Variants in USP7 observed in about 807,000 individuals in gnomAD.
USP7 encodes ubiquitin specific peptidase 7.
In USP7, 9 loss-of-function variants were observed where a neutral mutation model predicts 162.9. The observed-to-expected ratio is 0.06, with a 90% CI of 0.03 to 0.10. The LOEUF (loss-of-function observed/expected upper bound fraction) is 0.10. Ranked by LOEUF, USP7 falls within the 10% of genes least tolerant of loss-of-function variation. USP7 has a pLI of 1.00. For missense variants in USP7, 715 were observed against 1,373.7 expected, an observed-to-expected ratio of 0.52 and a Z score of 7.58; for synonymous variants, 562 against 475.9, an observed-to-expected ratio of 1.18 and a Z score of -2.35.
chr16:8,938,829 T>G (rs1898898220), intron 1 of USP7, among the ~76,000 whole-genome samples: 1 of 152,188 alleles, frequency 6.6e-6, no homozygotes, highest in African/African-American at 2.4e-5. Flanking sequence ...TACACTGTAT[T>G]AGATATTATA....
chr16:8,950,305 T>C (rs12929193), intron 1 of USP7, among the ~76,000 whole-genome samples: 96,653 of 151,864 alleles, frequency 0.64, 33,410 homozygotes, highest in East Asian at 0.88. Context: ...CATTTTCTGC[T>C]CTAAAAAAAA....
chr16:8,899,805 G>C (rs757038154), intron 21 of USP7, 48 bp from the exon 22 acceptor site: 208 of 1,606,960 alleles, frequency 1.3e-4, no homozygotes, highest in South Asian at 1.1e-3. Context: ...CCATGGCAGG[G>C]GGTAGCTGGT....
intron 1 of USP7, among the ~76,000 whole-genome samples, chr16:8,942,981 C>A (rs972424460): frequency 6.6e-6 from 1 of 152,150 alleles, no homozygotes; most frequent in Admixed American, 6.5e-5. Context: ...TCAGGCACTG[C>A]GGGCCCTGAG....
chr16:8,958,905 C>T (rs749981537), intron 1 of USP7, among the ~76,000 whole-genome samples: 4 of 152,210 alleles, frequency 2.6e-5, no homozygotes, highest in African/African-American at 4.8e-5. Flanking sequence ...AGGCAGAGGC[C>T]GGATGGCTTC....
intron 1 of USP7, among the ~76,000 whole-genome samples, chr16:8,934,627 G>A (rs758865895): frequency 4.6e-5 from 7 of 152,232 alleles, no homozygotes; most frequent in African/African-American, 7.2e-5. Flanking sequence ...AGAGGTCTGC[G>A]GTTGCAGCAG....
At position 8,900,565 on chromosome 16, in the gene USP7, A is replaced by G. The variant is rs758229570; in HGVS notation, c.2274T>C (p.Asp758=). The change falls in exon 21 of 31, where the codon GAT becomes GAC. Residue 758 remains aspartate, a synonymous_variant. Coordinates refer to ENST00000344836, the MANE Select transcript of USP7 (RefSeq NM_003470.3). ...CTATGATGTCACCATCCATTAGTTC[A>G]TCAAGGGCTTTATCAAGAGACACGT... ...DYDVSLDKAL[D]ELMDGDIIVF... The G allele has an allele frequency of 6.2e-7, 1 of 1,612,270 alleles. No homozygotes were observed. The highest frequency in any genetic ancestry group is 2.2e-5 in the East Asian group (1 of 44,814).
At chr16:8,908,215 G>T (rs2061890690) in intron 12 of USP7, 126 bp downstream of exon 12, 2 of 794,064 alleles carry the variant, frequency 2.5e-6, no homozygotes, top group African/African-American at 1.7e-5. Context: ...GGACACAGAG[G>T]TAGAAGGAAA....
At chr16:8,956,845 C>A (rs553563702) in intron 1 of USP7, among the ~76,000 whole-genome samples, 76 of 152,166 alleles carry the variant, frequency 5.0e-4, no homozygotes, top group African/African-American at 1.7e-3. Flanking sequence ...CCAGCCCCCC[C>A]GCAGGCAGTG....
At chr16:8,931,717 G>T (rs951431252) in intron 1 of USP7, among the ~76,000 whole-genome samples, 1 of 152,144 alleles carries the variant, frequency 6.6e-6, no homozygotes, top group Non-Finnish European at 1.5e-5. Context: ...TAATTTTAAA[G>T]CATAAATTTC....
intron 16 of USP7, among the ~76,000 whole-genome samples, chr16:8,902,882 A>C (rs1288682940): frequency 1.3e-5 from 2 of 152,206 alleles, no homozygotes; most frequent in Non-Finnish European, 2.9e-5. Context: ...GTCTCAAAAA[A>C]AAAGAAAAAA....
chr16:8,939,181 CACT>C (rs1404937876), intron 1 of USP7, among the ~76,000 whole-genome samples: 1 of 151,994 alleles, frequency 6.6e-6, no homozygotes, highest in African/African-American at 2.4e-5. Context: ...TTTGTGTGTC[CACT>C]ACCACCACAG....
chr16:8,895,883 C>A (rs1490778072), intron 26 of USP7, 142 bp from the exon 27 acceptor site: 5 of 580,364 alleles, frequency 8.6e-6, no homozygotes, highest in Non-Finnish European at 1.4e-5. Context: ...GTCGCCCAGG[C>A]TGGAGTGCAA....
chr16:8,895,957 C>T (rs2061675038), intron 26 of USP7, among the ~76,000 whole-genome samples: 1 of 151,852 alleles, frequency 6.6e-6, no homozygotes, highest in Non-Finnish European at 1.5e-5. Context: ...CCACCTCAGC[C>T]TCCCGAGTAG....
intron 2 of USP7, among the ~76,000 whole-genome samples, chr16:8,925,011 G>A (rs111398653): frequency 5.3e-5 from 8 of 152,170 alleles, no homozygotes; most frequent in Admixed American, 2.0e-4. Context: ...CAAGAAACTT[G>A]TTTAAGATAA....
chr16:8,937,442 T>G (rs1473299207), intron 1 of USP7, among the ~76,000 whole-genome samples: 2 of 152,200 alleles, frequency 1.3e-5, no homozygotes, highest in African/African-American at 4.8e-5. Context: ...CTCAGGAGGC[T>G]GAGGCAGGAG....
intron 1 of USP7, among the ~76,000 whole-genome samples, chr16:8,958,698 C>T (rs1899898128): frequency 6.6e-6 from 1 of 152,230 alleles, no homozygotes; most frequent in South Asian, 2.1e-4. Context: ...CACTTCCCCA[C>T]ACTCATCGCA....
intron 3 of USP7, among the ~76,000 whole-genome samples, chr16:8,922,453 A>G (rs1463462931): frequency 2.6e-5 from 4 of 152,144 alleles, no homozygotes; most frequent in African/African-American, 9.7e-5. Flanking sequence ...AGGCCACTGC[A>G]CTCCAGCCTG....
chr16:8,892,520 G>T lies in USP7; in HGVS notation c.*1478C>A, dbSNP rs1239291398. On this transcript the variant is annotated 3_prime_UTR_variant, in exon 31 of 31. Transcript: ENST00000344836. ...CCCGAAGGGCCTCGTGACACATCAG[G>T]TCACATCTCCAGTCACCTTATTTGT... 6.6e-6 allele frequency: 1 copy of T among 150,822 alleles called. No individual in the cohort carries two copies. The highest frequency in any genetic ancestry group is 1.5e-5 in the Non-Finnish European group (1 of 67,900). The allele number at this position is 150,822 out of a possible 1,614,324, so 9.3% of individuals were successfully genotyped here.
intron 1 of USP7, among the ~76,000 whole-genome samples, chr16:8,955,404 C>T (rs1207079081): frequency 6.6e-6 from 1 of 152,046 alleles, no homozygotes; most frequent in South Asian, 2.1e-4. Context: ...GCCACCATGC[C>T]CAGGCTCACA....
Sources: allele counts gnomAD v4.1 joint callset (sites outside exome capture counted in the v4.1 genomes callset), GRCh38; gene constraint gnomAD v4.1.1; transcripts MANE v1.5; gene names NCBI Gene and HGNC (gene_info 2026-07-23, HGNC 2026-07-21).